WDPCP: variants seen among roughly 807,000 people sequenced by gnomAD.
The protein encoded by WDPCP is WD repeat-containing and planar cell polarity effector protein fritz homolog.
Under a neutral mutation model 93.1 loss-of-function variants are expected in WDPCP, and 71 were observed. That is an observed-to-expected ratio of 0.76 (90% CI 0.63 to 0.93). The LOEUF is 0.93. Ranked by LOEUF, WDPCP falls within the 40% of genes least tolerant of loss-of-function variation. WDPCP has a pLI of 0.00. For missense variants in WDPCP, 844 were observed against 887.4 expected (o/e 0.95, Z 0.62); for synonymous variants, 315 against 315.0 (o/e 1.00, Z 0.00).
intron 6 of WDPCP, among the ~76,000 whole-genome samples, chr2:63,460,510 C>T (rs564781426): frequency 1.3e-5 from 2 of 152,280 alleles, no homozygotes; most frequent in East Asian, 1.9e-4. Context: ...ATACTACCCA[C>T]TCAAGTTAAC....
intron 2 of WDPCP, among the ~76,000 whole-genome samples, chr2:63,687,783 T>A (rs948095633): frequency 6.6e-6 from 1 of 151,912 alleles, no homozygotes; most frequent in Non-Finnish European, 1.5e-5. Flanking sequence ...TGGAGGTTCC[T>A]CAAAAAAACA....
chr2:63,187,185 G>A (rs1674705903), intron 14 of WDPCP, among the ~76,000 whole-genome samples: 1 of 152,076 alleles, frequency 6.6e-6, no homozygotes, highest in South Asian at 2.1e-4. Context: ...AGATATCCCT[G>A]CTGTCTTTTG....
chr2:63,245,474 T>C (rs990625534), intron 14 of WDPCP, among the ~76,000 whole-genome samples: 1 of 152,124 alleles, frequency 6.6e-6, no homozygotes, highest in Non-Finnish European at 1.5e-5. Context: ...CAGAAGGGTG[T>C]TGGAACAACC....
chr2:63,788,411 G>T (rs1248863776), intron 2 of WDPCP, among the ~76,000 whole-genome samples: 1 of 152,140 alleles, frequency 6.6e-6, no homozygotes, highest in African/African-American at 2.4e-5. Context: ...TTTTATACTT[G>T]AGAGAAACAT....
chr2:63,162,705 C>G (rs770970913), intron 15 of WDPCP, among the ~76,000 whole-genome samples: 4 of 151,898 alleles, frequency 2.6e-5, no homozygotes, highest in Non-Finnish European at 4.4e-5. Context: ...AATTAGGAAC[C>G]CCTGTAGTTA....
intron 9 of WDPCP, among the ~76,000 whole-genome samples, chr2:63,408,087 G>A (rs557920845): frequency 1.3e-5 from 2 of 152,306 alleles, no homozygotes; most frequent in Admixed American, 6.5e-5. Context: ...GAGGTGGATG[G>A]GAGGCAGATC....
At chr2:63,360,957 T>G (rs1244827082) in intron 12 of WDPCP, among the ~76,000 whole-genome samples, 1 of 152,220 alleles carries the variant, frequency 6.6e-6, no homozygotes, top group African/African-American at 2.4e-5. Context: ...GTTCTAATGA[T>G]AAATGTCAGT....
chr2:63,770,234 T>C (rs992057152), intron 2 of WDPCP, among the ~76,000 whole-genome samples: 1 of 151,988 alleles, frequency 6.6e-6, no homozygotes, highest in African/African-American at 2.4e-5. Flanking sequence ...ACCCTGAACG[T>C]GTCCAATCTC....
intron 12 of WDPCP, among the ~76,000 whole-genome samples, chr2:63,364,014 G>A (rs926475848): frequency 7.2e-5 from 11 of 151,998 alleles, no homozygotes; most frequent in Admixed American, 2.6e-4. Flanking sequence ...AATAGCAACT[G>A]CACTCCACCT....
intron 9 of WDPCP, 94 bp downstream of exon 9, chr2:63,433,651 G>A: frequency 8.0e-7 from 1 of 1,245,336 alleles, no homozygotes; most frequent in Non-Finnish European, 1.1e-6. Context: ...TAAATTATAG[G>A]TAAAAAATAT....
intron 2 of WDPCP, among the ~76,000 whole-genome samples, chr2:63,654,090 T>A (rs934728771): frequency 9.9e-5 from 15 of 151,866 alleles, no homozygotes; most frequent in Non-Finnish European, 4.4e-5. Context: ...AAAGAATATA[T>A]GAGCACAATA....
intron 2 of WDPCP, among the ~76,000 whole-genome samples, chr2:63,766,516 G>A (rs1670142181): frequency 6.6e-6 from 1 of 150,966 alleles, no homozygotes; most frequent in African/African-American, 2.4e-5. Context: ...TTTGACAATA[G>A]GATTATGTAT....
At chr2:63,834,360 CTTG>C in the WDPCP span, among the ~76,000 whole-genome samples, 1 of 152,172 alleles carries the variant, frequency 6.6e-6, no homozygotes, top group Non-Finnish European at 1.5e-5. Flanking sequence ...TTTGTAAACT[CTTG>C]TTGTAAGTCA....
In WDPCP at chr2:63,558,028, C is replaced by T. The variant is rs571977445; in HGVS notation, c.75+30169G>A. ...TAAGGGAAATTTATAGTACTAAATGCCCACATCAAAAAGCTAGAAAGATCT... is the reference window on the plus strand; with the variant it reads ...TAAGGGAAATTTATAGTACTAAATGTCCACATCAAAAAGCTAGAAAGATCT... On this transcript the variant is annotated intron_variant, in intron 1 of 17. Coordinates refer to ENST00000272321, the MANE Select transcript of WDPCP (RefSeq NM_015910.7). 1.1e-4 allele frequency among the ~76,000 whole-genome samples: 16 copies of T among 152,078 alleles called. 1 individual carries two copies. The highest frequency in any genetic ancestry group is 3.6e-4 in the African/African-American group (15 of 41,476).
chr2:63,380,503 G>A (rs1692211968), intron 11 of WDPCP, among the ~76,000 whole-genome samples: 2 of 152,104 alleles, frequency 1.3e-5, no homozygotes, highest in Admixed American at 1.3e-4. Context: ...CACTTTGGGA[G>A]GCTTAGGCAG....
At chr2:63,479,068 C>T (rs932532118) in intron 6 of WDPCP, among the ~76,000 whole-genome samples, 5 of 151,406 alleles carry the variant, frequency 3.3e-5, no homozygotes, top group Non-Finnish European at 7.4e-5. Context: ...ACCTTTATGC[C>T]CATAAACTAG....
At chr2:63,232,405 G>A (rs1457121865) in intron 14 of WDPCP, 1 of 152,150 alleles carries the variant, frequency 6.6e-6, no homozygotes, top group African/African-American at 2.4e-5. Context: ...TGAAAGACAG[G>A]CTGGTGTATT....
At chr2:63,797,153 G>C (rs1670627897) in intron 2 of WDPCP, among the ~76,000 whole-genome samples, 1 of 152,154 alleles carries the variant, frequency 6.6e-6, no homozygotes. Context: ...TAACTAAACA[G>C]ATCTTGGACT....
intron 13 of WDPCP, among the ~76,000 whole-genome samples, chr2:63,266,653 A>G (rs1273524663): frequency 6.6e-6 from 1 of 152,108 alleles, no homozygotes; most frequent in African/African-American, 2.4e-5. Context: ...TAAAAATACA[A>G]AAATTAGCTG....
Sources: allele counts gnomAD v4.1 joint callset (sites outside exome capture counted in the v4.1 genomes callset), GRCh38; gene constraint gnomAD v4.1.1; transcripts MANE v1.5; gene names NCBI Gene and HGNC (gene_info 2026-07-23, HGNC 2026-07-21).